PICALM: variants seen among roughly 807,000 people sequenced by gnomAD.
The protein encoded by PICALM is phosphatidylinositol-binding clathrin assembly protein.
In PICALM, 40 loss-of-function variants were observed where a neutral mutation model predicts 80.5. That is an observed-to-expected ratio of 0.50 (90% confidence interval 0.39 to 0.65). The LOEUF (loss-of-function observed/expected upper bound fraction) is 0.65. Ranked by LOEUF, PICALM falls within the 30% of genes least tolerant of loss-of-function variation. The pLI is 0.00. For missense variants in PICALM, 676 were observed against 778.9 expected, an observed-to-expected ratio of 0.87 and a Z score of 1.57; for synonymous variants, 288 against 260.3, an observed-to-expected ratio of 1.11 and a Z score of -1.02.
chr11:86,056,310 C>A (rs2096269662), intron 1 of PICALM, among the ~76,000 whole-genome samples: 1 of 147,418 alleles, frequency 6.8e-6, no homozygotes, highest in Non-Finnish European at 1.5e-5. Context: ...CTTCTGGTAT[C>A]CAGAATACAT....
At chr11:85,982,475 C>T (rs946651152) in intron 14 of PICALM, among the ~76,000 whole-genome samples, 5 of 135,618 alleles carry the variant, frequency 3.7e-5, no homozygotes, top group Non-Finnish European at 6.2e-5. Context: ...GGTCGGACTG[C>T]GGACTGCAGT....
intron 1 of PICALM, among the ~76,000 whole-genome samples, chr11:86,064,546 A>C (rs2096415441): frequency 6.6e-6 from 1 of 151,838 alleles, no homozygotes; most frequent in African/African-American, 2.4e-5. Flanking sequence ...CTGTGGTCCC[A>C]GGTACTCAGA....
intron 3 of PICALM, among the ~76,000 whole-genome samples, chr11:86,025,201 A>G (rs575522184): frequency 3.0e-4 from 46 of 152,294 alleles, no homozygotes; most frequent in African/African-American, 1.1e-3. Context: ...AGAGATGCAG[A>G]CCATCCTGGC....
chr11:85,966,224 A>C (rs2093892490), intron 19 of PICALM, among the ~76,000 whole-genome samples: 2 of 146,804 alleles, frequency 1.4e-5, no homozygotes, highest in South Asian at 4.3e-4. Flanking sequence ...TTCCCCCCCC[A>C]AAGACAGGGT....
intron 17 of PICALM, among the ~76,000 whole-genome samples, chr11:85,977,617 A>G (rs527264446): frequency 2.9e-4 from 44 of 152,388 alleles, no homozygotes; most frequent in African/African-American, 8.7e-4. Context: ...GTGAATAGTT[A>G]TAAGTTTAGT....
chr11:85,980,326 C>T lies in PICALM; in HGVS notation c.1779+803G>A, dbSNP rs532595. 1.2e-3 allele frequency among the ~76,000 whole-genome samples: 189 copies of T among 152,208 alleles called. 3 individuals carry two copies. Among genetic ancestry groups the T allele is most frequent in the Admixed American group, 1.6e-3 (25 of 15,288 alleles). ...GACAGGGCTAAAATTCCAACTCTGG[C>T]ACCAGTTAGTGCGACAGCCTTAAGC... On this transcript the variant is annotated intron_variant, in intron 17 of 19. Transcript: ENST00000393346.
intron 19 of PICALM, among the ~76,000 whole-genome samples, chr11:85,972,412 T>G (rs760697993): frequency 2.6e-5 from 4 of 152,206 alleles, no homozygotes; most frequent in African/African-American, 4.8e-5. Flanking sequence ...TGGGGATAAG[T>G]TGATTTCACC....
chr11:85,975,228 C>G (rs2135563850), intron 18 of PICALM, among the ~76,000 whole-genome samples: 1 of 152,254 alleles, frequency 6.6e-6, no homozygotes, highest in East Asian at 1.9e-4. Context: ...TGCCATTATG[C>G]AAGTGATCAC....
At chr11:86,037,546 C>T (rs2095864886) in intron 1 of PICALM, among the ~76,000 whole-genome samples, 1 of 151,402 alleles carries the variant, frequency 6.6e-6, no homozygotes, top group Admixed American at 6.6e-5. Flanking sequence ...GCGTGAGCCA[C>T]CGCACCCAGC....
intron 19 of PICALM, chr11:85,969,645 G>A (rs1220221422): frequency 2.4e-6 from 1 of 412,118 alleles, no homozygotes; most frequent in East Asian, 8.0e-5. Context: ...ATGCTTTAAA[G>A]CATGAGAAAA....
intron 1 of PICALM, among the ~76,000 whole-genome samples, chr11:86,065,248 C>T (rs996864177): frequency 3.3e-5 from 5 of 152,124 alleles, no homozygotes; most frequent in African/African-American, 1.2e-4. Flanking sequence ...GAGATCCAGA[C>T]CATCCTGGCC....
rs918051102 is a variant in PICALM at position 86,012,315 on chromosome 11, A to G, written c.624T>C (p.Phe208=). 1 of 1,607,236 alleles carries G rather than the reference A, an allele frequency of 6.2e-7. No homozygotes were observed. ...MLLFKDAIRL[F]AAYNEGIINL... is the part of the protein sequence containing the mutation. ...TAATAATTCCTTCATTGTATGCTGC[A>G]AACAGTCTAATGGCATCTTTGAACA... Residue 208 remains phenylalanine (F), a synonymous_variant, in exon 6 of 20, where the codon TTT becomes TTC. Transcript: ENST00000393346.
intron 19 of PICALM, among the ~76,000 whole-genome samples, chr11:85,967,418 G>A (rs2093938250): frequency 6.6e-6 from 1 of 152,160 alleles, no homozygotes; most frequent in Admixed American, 6.5e-5. Context: ...CTAGTAATAA[G>A]CAAGGTCTTA....
At chr11:86,015,941 C>A (rs545733738) in intron 4 of PICALM, among the ~76,000 whole-genome samples, 127 of 152,302 alleles carry the variant, frequency 8.3e-4, no homozygotes, top group Non-Finnish European at 1.6e-3. Context: ...TAGGACACAA[C>A]AAAGTTTAAT....
At chr11:85,971,529 A>G (rs1301343707) in intron 19 of PICALM, among the ~76,000 whole-genome samples, 1 of 152,008 alleles carries the variant, frequency 6.6e-6, no homozygotes, top group Admixed American at 6.6e-5. Context: ...AGAGCTCAGG[A>G]GTTCAAGAAC....
At chr11:86,049,571 G>A (rs1412903485) in intron 1 of PICALM, among the ~76,000 whole-genome samples, 1 of 150,524 alleles carries the variant, frequency 6.6e-6, no homozygotes, top group Non-Finnish European at 1.5e-5. Context: ...CCTTTTCCCT[G>A]AGAAAGAGTC....
chr11:85,968,028 C>A (rs1160381740), intron 19 of PICALM, among the ~76,000 whole-genome samples: 4 of 152,188 alleles, frequency 2.6e-5, no homozygotes, highest in Non-Finnish European at 5.9e-5. Flanking sequence ...AGGCCTAATA[C>A]CAGTCAAGAA....
chr11:85,996,966 G>C (rs2094986363), intron 11 of PICALM, 37 bp from the exon 12 acceptor site: 1 of 1,404,662 alleles, frequency 7.1e-7, no homozygotes, highest in East Asian at 2.3e-5. Context: ...TTATTTACCA[G>C]AAAAACTTTG....
rs529293406 is a variant in PICALM at position 86,068,578 on chromosome 11, A to G, written c.130+73T>C. 23 of 1,428,840 alleles carry G rather than the reference A, an allele frequency of 1.6e-5. No individual in the cohort carries two copies. The Admixed American group carries it at 2.5e-4, about 16-fold the overall frequency. The allele number at this position is 1,428,840 out of a possible 1,614,324, so 88.5% of individuals were successfully genotyped here. On this transcript the variant is annotated intron_variant, in intron 1 of 19. Coordinates refer to ENST00000393346, the MANE Select transcript of PICALM (RefSeq NM_007166.4). ...AAGAGGCAGTAGAAGGGTGAAAGAC[A>G]AGAGAGAGAGAGAAGGACGCGCGCG...
Sources: gnomAD v4.1 joint callset for allele counts (sites outside exome capture counted in the v4.1 genomes callset) on GRCh38, gnomAD v4.1.1 for gene constraint, MANE v1.5 for transcripts, NCBI Gene and HGNC (gene_info 2026-07-23, HGNC 2026-07-21) for gene names.